The following CD2AP variants were observed in gnomAD, a reference collection of about 807,000 sequenced individuals.
CD2AP encodes CD2 associated protein.
A neutral mutation model predicts 85.1 loss-of-function variants in CD2AP; 46 were observed. The ratio of observed to expected loss-of-function variants is 0.54; its 90% CI spans 0.43 to 0.69. The LOEUF is 0.69. Among genes scored for constraint, CD2AP ranks in the 30% least tolerant of loss-of-function variants. CD2AP has a pLI of 0.00. For missense variants in CD2AP, 769 were observed against 729.5 expected, an observed-to-expected ratio of 1.05 and a Z score of -0.62; for synonymous variants, 255 against 252.9, an observed-to-expected ratio of 1.01 and a Z score of -0.08.
chr6:47,480,245 A>G (rs909880385), intron 1 of CD2AP, among the ~76,000 whole-genome samples: 1 of 152,202 alleles, frequency 6.6e-6, no homozygotes, highest in African/African-American at 2.4e-5. Flanking sequence ...TTTATTGGTC[A>G]TGTAATAATA....
chr6:47,599,053 T>C (rs1769031781), intron 12 of CD2AP, among the ~76,000 whole-genome samples: 1 of 150,886 alleles, frequency 6.6e-6, no homozygotes. Context: ...TAATATTTTC[T>C]GTATACTAAT....
rs1769885000 is a variant in CD2AP, at chr6:47,625,491, A to G, written c.*1264A>G. 6.6e-6 allele frequency: 1 copy of G among 151,910 alleles called. No homozygotes were observed. 9.4% of individuals were successfully genotyped at this position (151,910 alleles called of 1,614,324 possible). On this transcript the variant is annotated 3_prime_UTR_variant, in exon 18 of 18. Transcript: ENST00000359314. Reference sequence around the variant, plus strand: ...CTTCAGAGTTACTTATGAACAGTTGAATGCTTTAAAATGTTCTGTCTGTAG... The same window carrying G: ...CTTCAGAGTTACTTATGAACAGTTGGATGCTTTAAAATGTTCTGTCTGTAG...
chr6:47,479,819 A>AC (rs980362919), intron 1 of CD2AP, among the ~76,000 whole-genome samples: 8 of 151,784 alleles, frequency 5.3e-5, no homozygotes, highest in Admixed American at 2.0e-4. Flanking sequence ...TTATTTAAAT[A>AC]CTTTTTTTTT....
chr6:47,615,475 C>A (rs1769551779), intron 17 of CD2AP, among the ~76,000 whole-genome samples: 1 of 152,014 alleles, frequency 6.6e-6, no homozygotes, highest in Admixed American at 6.6e-5. Context: ...CCTCAGGGAG[C>A]TTTTACTCAT....
At chr6:47,479,677 C>T (rs1765396475) in intron 1 of CD2AP, among the ~76,000 whole-genome samples, 1 of 152,180 alleles carries the variant, frequency 6.6e-6, no homozygotes, top group Non-Finnish European at 1.5e-5. Flanking sequence ...AAGTTAATTA[C>T]ACAGTTCTTT....
At chr6:47,582,202 T>G in intron 11 of CD2AP, 137 bp downstream of exon 11, 1 of 654,980 alleles carries the variant, frequency 1.5e-6, no homozygotes. Context: ...GCTTGGAGTT[T>G]TCTGGGAGGG....
At chr6:47,562,720 G>A in intron 5 of CD2AP, 1 of 746,994 alleles carries the variant, frequency 1.3e-6, no homozygotes, top group East Asian at 2.5e-5. Context: ...GCCTAGCAGT[G>A]AAATTTGTGA....
At chr6:47,576,698 TAGAATAGCAAA>T in intron 7 of CD2AP, 96 bp downstream of exon 7, 1 of 934,830 alleles carries the variant, frequency 1.1e-6, no homozygotes, top group Non-Finnish European at 1.7e-6. Context: ...ACTGTCTTAT[TAGAATAGCAAA>T]TTCTATTAGA....
intron 4 of CD2AP, among the ~76,000 whole-genome samples, chr6:47,553,020 G>A (rs186319727): frequency 6.7e-6 from 1 of 150,038 alleles, no homozygotes; most frequent in South Asian, 2.1e-4. Context: ...AGCCCTTTCT[G>A]TTTGCTCCTA....
chr6:47,504,067 G>T (rs966421297), intron 2 of CD2AP, among the ~76,000 whole-genome samples: 1 of 152,124 alleles, frequency 6.6e-6, no homozygotes, highest in African/African-American at 2.4e-5. Context: ...AAGTATTCTA[G>T]TCGCTTCTGC....
chr6:47,609,156 T>G lies in CD2AP; in HGVS notation c.1666T>G (p.Ser556Ala), dbSNP rs1164600460. The change falls in exon 16 of 18, where the codon TCT becomes GCT. Residue 556 changes from serine to alanine, a missense_variant. Coordinates refer to ENST00000359314, the MANE Select transcript of CD2AP (RefSeq NM_012120.3). ...GTACCTTTCAACACCTTCCAGTGCT[T>G]CTAAAGCAAATACAACTGCTTTCCT... The part of the protein sequence containing the change: ...SVYLSTPSSA[S>A]KANTTAFLTP... 1 of 1,613,434 alleles carries G rather than the reference T, an allele frequency of 6.2e-7. No individual in the cohort carries two copies. The highest frequency in any genetic ancestry group is 8.5e-7 in the Non-Finnish European group (1 of 1,179,762).
chr6:47,497,877 C>T (rs1294907354), intron 1 of CD2AP, among the ~76,000 whole-genome samples: 1 of 152,182 alleles, frequency 6.6e-6, no homozygotes, highest in South Asian at 2.1e-4. Flanking sequence ...CTCTCAGATA[C>T]CTCCTAGAAC....
At chr6:47,514,516 A>G (rs1396384913) in intron 2 of CD2AP, among the ~76,000 whole-genome samples, 1 of 152,196 alleles carries the variant, frequency 6.6e-6, no homozygotes, top group Non-Finnish European at 1.5e-5. Context: ...TGGTTGTTGG[A>G]GTTGCTACTT....
chr6:47,574,575 T>TTA (rs1309220315), intron 6 of CD2AP, among the ~76,000 whole-genome samples: 2 of 148,458 alleles, frequency 1.3e-5, no homozygotes, highest in African/African-American at 2.4e-5. Flanking sequence ...ATAAATTTAG[T>TTA]TATATATATA....
chr6:47,549,137 T>G (rs929379824), intron 4 of CD2AP, among the ~76,000 whole-genome samples: 14 of 152,108 alleles, frequency 9.2e-5, no homozygotes, highest in African/African-American at 3.1e-4. Flanking sequence ...CTCTGAGAAC[T>G]GGAACAAGAC....
chr6:47,561,139 T>C (rs1262432364), intron 5 of CD2AP, among the ~76,000 whole-genome samples: 1 of 152,200 alleles, frequency 6.6e-6, no homozygotes, highest in African/African-American at 2.4e-5. Context: ...TCAACTTTAT[T>C]GGAGGTACAA....
intron 4 of CD2AP, chr6:47,544,912 G>C: frequency 2.1e-6 from 1 of 475,222 alleles, no homozygotes; most frequent in Non-Finnish European, 3.7e-6. Flanking sequence ...CCCCCTTAAA[G>C]CTAAAAATTA....
chr6:47,573,827 G>A (rs1425698505), intron 5 of CD2AP, among the ~76,000 whole-genome samples: 2 of 151,940 alleles, frequency 1.3e-5, no homozygotes, highest in African/African-American at 4.8e-5. Context: ...TCCTAATTAG[G>A]ATTTCTTAAT....
rs527604838 is a variant in CD2AP at position 47,620,069 on chromosome 6, G to T, written c.1879-4117G>T. On this transcript the variant is annotated intron_variant, in intron 17 of 17. Transcript: ENST00000359314. Reference sequence around the variant, plus strand: ...TGCCATGCAAAAGCTCTTTAATTAGGTCTCAGCTATTTATCTTTGTTTTTA... The same window carrying T: ...TGCCATGCAAAAGCTCTTTAATTAGTTCTCAGCTATTTATCTTTGTTTTTA... 2.0e-5 allele frequency among the ~76,000 whole-genome samples: 3 copies of T among 152,160 alleles called. 1 individual carries two copies. In the South Asian group the frequency reaches 6.2e-4, roughly 32 times the overall value.
Sources: allele counts gnomAD v4.1 joint callset (sites outside exome capture counted in the v4.1 genomes callset), GRCh38; gene constraint gnomAD v4.1.1; transcripts MANE v1.5; gene names NCBI Gene and HGNC (gene_info 2026-07-23, HGNC 2026-07-21).